Variants in SUGCT observed in about 807,000 individuals in gnomAD.
SUGCT encodes the protein succinyl-CoA:glutarate-CoA transferase, also known as succinyl-CoA:glutarate CoA-transferase.
Under a neutral mutation model 55.0 loss-of-function variants are expected in SUGCT, and 41 were observed. That is an observed-to-expected ratio of 0.74 (90% CI 0.58 to 0.97). The LOEUF (loss-of-function observed/expected upper bound fraction) is 0.97. SUGCT is among the 50% of genes least tolerant of loss of function. SUGCT has a pLI of 0.00. For missense variants in SUGCT, 568 were observed against 547.8 expected (o/e 1.04, Z -0.37); for synonymous variants, 187 against 200.4 (o/e 0.93, Z 0.56).
chr7:40,289,228 G>C (rs1270327163), intron 8 of SUGCT, among the ~76,000 whole-genome samples: 2 of 151,856 alleles, frequency 1.3e-5, no homozygotes, highest in Admixed American at 1.3e-4. Flanking sequence ...AAAAAAAAAA[G>C]GTTCTTGTAA....
At chr7:40,900,020 A>G in the SUGCT span, among the ~76,000 whole-genome samples, 1 of 152,180 alleles carries the variant, frequency 6.6e-6, no homozygotes, top group Non-Finnish European at 1.5e-5. Context: ...TAGAGGTCAC[A>G]GTAGTAGCAC....
chr7:40,376,598 G>A (rs1303002073), intron 9 of SUGCT, among the ~76,000 whole-genome samples: 3 of 151,956 alleles, frequency 2.0e-5, no homozygotes, highest in African/African-American at 7.3e-5. Flanking sequence ...CACCATGTTG[G>A]CCAGACTGGT....
chr7:40,444,538 G>A (rs1021304564), intron 9 of SUGCT, among the ~76,000 whole-genome samples: 1 of 152,104 alleles, frequency 6.6e-6, no homozygotes, highest in Non-Finnish European at 1.5e-5. Flanking sequence ...TGTTATTGGT[G>A]TATAAGAATG....
chr7:40,919,164 T>C, the SUGCT span, among the ~76,000 whole-genome samples: 2 of 152,316 alleles, frequency 1.3e-5, no homozygotes, highest in African/African-American at 4.8e-5. Flanking sequence ...CACAGATAAC[T>C]CACACATTTA....
At chr7:40,843,232 C>T (rs1422149231) in intron 13 of SUGCT, among the ~76,000 whole-genome samples, 3 of 152,156 alleles carry the variant, frequency 2.0e-5, no homozygotes, top group African/African-American at 7.2e-5. Flanking sequence ...AGAAGTGAAG[C>T]TGGGCGTGGT....
chr7:40,444,420 C>T (rs1788696062), intron 9 of SUGCT, among the ~76,000 whole-genome samples: 1 of 152,100 alleles, frequency 6.6e-6, no homozygotes, highest in Non-Finnish European at 1.5e-5. Flanking sequence ...TTGTAGTTCT[C>T]CTTGAAGAGG....
At chr7:40,644,846 A>G (rs1342297043) in intron 12 of SUGCT, among the ~76,000 whole-genome samples, 1 of 152,052 alleles carries the variant, frequency 6.6e-6, no homozygotes, top group Non-Finnish European at 1.5e-5. Context: ...TATGGGGTTT[A>G]CCCGAGTTGC....
chr7:40,333,876 A>G (rs1474370986), intron 9 of SUGCT, among the ~76,000 whole-genome samples: 1 of 150,890 alleles, frequency 6.6e-6, no homozygotes, highest in East Asian at 2.0e-4. Flanking sequence ...TACATTAGGC[A>G]TATCTCCTAG....
At chr7:40,914,947 A>G in the SUGCT span, among the ~76,000 whole-genome samples, 4 of 152,236 alleles carry the variant, frequency 2.6e-5, no homozygotes, top group African/African-American at 9.6e-5. Flanking sequence ...AAAATAAGGA[A>G]GATGAGAATT....
chr7:40,323,509 C>T (rs1795855180), intron 9 of SUGCT, among the ~76,000 whole-genome samples: 1 of 152,114 alleles, frequency 6.6e-6, no homozygotes, highest in Non-Finnish European at 1.5e-5. Context: ...CCCACCTCAG[C>T]CTCCCGAGTA....
chr7:40,830,549 G>A (rs1484258850), intron 13 of SUGCT, among the ~76,000 whole-genome samples: 4 of 152,096 alleles, frequency 2.6e-5, no homozygotes, highest in Admixed American at 2.0e-4. Flanking sequence ...CCTCACTGAG[G>A]TCTCTGCTCA....
At chr7:40,227,130 A>G (rs1788422815) in intron 6 of SUGCT, among the ~76,000 whole-genome samples, 1 of 134,636 alleles carries the variant, frequency 7.4e-6, no homozygotes, top group East Asian at 2.2e-4. Flanking sequence ...CACTGCAACC[A>G]TCACCTCCTG....
intron 9 of SUGCT, among the ~76,000 whole-genome samples, chr7:40,357,738 TTTTC>T (rs1337936940): frequency 2.6e-5 from 4 of 152,156 alleles, no homozygotes; most frequent in African/African-American, 9.7e-5. Flanking sequence ...TTCTTTTTTC[TTTTC>T]TTTTTTGTCT....
chr7:40,717,966 T>A (rs1786115177), intron 12 of SUGCT, among the ~76,000 whole-genome samples: 1 of 152,206 alleles, frequency 6.6e-6, no homozygotes, highest in African/African-American at 2.4e-5. Context: ...AAAAATTATC[T>A]ATAATAGCAC....
chr7:40,537,936 A>G (rs1794456882), intron 12 of SUGCT, among the ~76,000 whole-genome samples: 1 of 152,138 alleles, frequency 6.6e-6, no homozygotes, highest in African/African-American at 2.4e-5. Flanking sequence ...ATTTCAGTGT[A>G]CCCTATTGCA....
chr7:40,551,096 C>G (rs1261917777), intron 12 of SUGCT, among the ~76,000 whole-genome samples: 1 of 152,138 alleles, frequency 6.6e-6, no homozygotes, highest in East Asian at 1.9e-4. Flanking sequence ...TTCTCAGGCC[C>G]TCTGTATTCA....
the SUGCT span, among the ~76,000 whole-genome samples, chr7:40,924,265 CGTGTGTGTGT>C: frequency 7.4e-6 from 1 of 136,018 alleles, no homozygotes; most frequent in Non-Finnish European, 1.7e-5. Context: ...CTTTCAATTA[CGTGTGTGTGT>C]GTGTGTGTGT....
At chr7:40,349,996 A>G (rs1194064865) in intron 9 of SUGCT, among the ~76,000 whole-genome samples, 2 of 151,872 alleles carry the variant, frequency 1.3e-5, no homozygotes, top group Non-Finnish European at 2.9e-5. Context: ...CTTTTCCTAT[A>G]TTTTTGTCAA....
At chr7:40,703,190 G>T (rs555979257) in intron 12 of SUGCT, among the ~76,000 whole-genome samples, 74 of 151,250 alleles carry the variant, frequency 4.9e-4, no homozygotes, top group Admixed American at 6.6e-4. Context: ...TCAGCCTCCC[G>T]AGTAGCTGGG....
Sources: allele counts gnomAD v4.1 joint callset (sites outside exome capture counted in the v4.1 genomes callset), GRCh38; gene constraint gnomAD v4.1.1; transcripts MANE v1.5; gene names NCBI Gene and HGNC (gene_info 2026-07-23, HGNC 2026-07-21).